The following ARPP21 variants were observed in gnomAD, a reference collection of about 807,000 sequenced individuals.
ARPP21 encodes cAMP regulated phosphoprotein 21.
In ARPP21, 69 loss-of-function variants were observed where a neutral mutation model predicts 113.2. That is an observed-to-expected ratio of 0.61 (90% CI 0.50 to 0.74). ARPP21 has a LOEUF of 0.74. Among genes scored for constraint, ARPP21 ranks in the 30% least tolerant of loss-of-function variants. ARPP21 has a pLI of 0.00. For synonymous variants in ARPP21, 368 were observed against 375.5 expected (o/e 0.98, Z 0.23); for missense variants, 1,070 against 1,037.4 (o/e 1.03, Z -0.43).
intron 1 of ARPP21, chr3:35,679,524 A>G (rs2078340239): frequency 6.6e-6 from 1 of 151,554 alleles, no homozygotes; most frequent in Non-Finnish European, 1.5e-5. Context: ...AAAAAAGGTT[A>G]AAATTGAAGT....
At chr3:35,755,570 T>A (rs925629302) in intron 19 of ARPP21, among the ~76,000 whole-genome samples, 1 of 152,060 alleles carries the variant, frequency 6.6e-6, no homozygotes, top group African/African-American at 2.4e-5. Flanking sequence ...AGAGACAGTC[T>A]CAATCTAACA....
At chr3:35,769,956 T>C (rs1393202517) in intron 19 of ARPP21, among the ~76,000 whole-genome samples, 1 of 152,182 alleles carries the variant, frequency 6.6e-6, no homozygotes, top group Non-Finnish European at 1.5e-5. Context: ...TGTGGGAGTG[T>C]GGGAGTATGT....
intron 9 of ARPP21, among the ~76,000 whole-genome samples, chr3:35,695,206 G>A (rs1337627756): frequency 1.3e-5 from 2 of 151,386 alleles, no homozygotes; most frequent in Non-Finnish European, 1.5e-5. Context: ...AGACAAGATG[G>A]AAAGATAGTT....
intron 19 of ARPP21, among the ~76,000 whole-genome samples, chr3:35,774,249 A>G (rs1222277054): frequency 2.6e-5 from 4 of 152,170 alleles, no homozygotes; most frequent in Non-Finnish European, 4.4e-5. Context: ...AGGCCCTTAT[A>G]AGAAAATTTC....
At chr3:35,734,479 C>G (rs2094207950) in intron 15 of ARPP21, among the ~76,000 whole-genome samples, 1 of 152,108 alleles carries the variant, frequency 6.6e-6, no homozygotes, top group East Asian at 1.9e-4. Flanking sequence ...AGAGCAAGAC[C>G]AAACAGTTGA....
chr3:35,783,990 A>G (rs1386491131), intron 19 of ARPP21, among the ~76,000 whole-genome samples: 5 of 152,076 alleles, frequency 3.3e-5, no homozygotes, highest in Non-Finnish European at 7.4e-5. Flanking sequence ...GAAGCTTTCC[A>G]CTGCATGCTT....
intron 1 of ARPP21, among the ~76,000 whole-genome samples, chr3:35,659,218 C>G (rs1706486366): frequency 6.6e-6 from 1 of 152,134 alleles, no homozygotes; most frequent in African/African-American, 2.4e-5. Context: ...CATTACGTCC[C>G]AGCACACATA....
In ARPP21 at chr3:35,691,010, G is replaced by A; in HGVS notation, c.686+5G>A. 1.2e-6 allele frequency: 2 copies of A among 1,604,372 alleles called. No homozygotes were observed. The highest frequency in any genetic ancestry group is 1.7e-6 in the Non-Finnish European group (2 of 1,175,770). On this transcript the variant is annotated splice_donor_5th_base_variant and intron_variant, in intron 9 of 20. Coordinates refer to ENST00000684406, the MANE Select transcript of ARPP21 (RefSeq NM_001385562.1). ...CAAGACCAGCAGCACCAGAATGTAA[G>A]CCCCATCACTGTACTTATTTAGCAT...
At chr3:35,786,710 G>A (rs1002705521) in intron 19 of ARPP21, among the ~76,000 whole-genome samples, 1 of 152,014 alleles carries the variant, frequency 6.6e-6, no homozygotes, top group African/African-American at 2.4e-5. Context: ...TTGAATTAGA[G>A]TAAGATAGAG....
chr3:35,707,123 T>A, intron 10 of ARPP21, 41 bp downstream of exon 10: 1 of 1,491,914 alleles, frequency 6.7e-7, no homozygotes, highest in Non-Finnish European at 9.3e-7. Context: ...TTGTTGTTTT[T>A]GAAGGTGGGC....
intron 19 of ARPP21, among the ~76,000 whole-genome samples, chr3:35,748,617 T>C (rs1576594100): frequency 6.6e-6 from 1 of 152,232 alleles, no homozygotes; most frequent in South Asian, 2.1e-4. Context: ...TGAGAATATC[T>C]TAACTGGAAA....
At chr3:35,772,713 A>G (rs2096244262) in intron 19 of ARPP21, among the ~76,000 whole-genome samples, 1 of 152,074 alleles carries the variant, frequency 6.6e-6, no homozygotes, top group Admixed American at 6.5e-5. Flanking sequence ...CTCTCTTTTT[A>G]TTCCACTTTA....
chr3:35,667,841 A>G (rs9876705), intron 1 of ARPP21, among the ~76,000 whole-genome samples: 21,778 of 81,074 alleles, frequency 0.27, 2,980 homozygotes, highest in East Asian at 0.41. Context: ...TTTTATTCTC[A>G]AAGAAGAAGA....
At chr3:35,793,097 ATAAT>A (rs916092740) in intron 20 of ARPP21, among the ~76,000 whole-genome samples, 6 of 152,198 alleles carry the variant, frequency 3.9e-5, no homozygotes, top group African/African-American at 1.4e-4. Context: ...AAATGGTATA[ATAAT>A]TAAATTTAAC....
rs9852285 is a variant in ARPP21, at chr3:35,652,271, A to G, written c.-213+11873A>G. ...CTTCCAGGAGCAATTTGGGACTGTT[A>G]TCTAAGAACTAAGAATGATTTCAAA... On this transcript the variant is annotated intron_variant, in intron 1 of 20. Transcript: ENST00000684406. Among the ~76,000 whole-genome samples, 857 of 152,192 alleles carry G rather than the reference A, an allele frequency of 5.6e-3. 6 individuals carry two copies. Among genetic ancestry groups the G allele is most frequent in the African/African-American group, 0.02 (818 of 41,554 alleles).
At chr3:35,701,067 C>T (rs2149842875) in intron 9 of ARPP21, among the ~76,000 whole-genome samples, 1 of 151,684 alleles carries the variant, frequency 6.6e-6, no homozygotes, top group East Asian at 2.0e-4. Context: ...AAATCTTAAT[C>T]ATGATTGAGA....
chr3:35,765,974 T>C (rs922837980), intron 19 of ARPP21, among the ~76,000 whole-genome samples: 1 of 152,242 alleles, frequency 6.6e-6, no homozygotes, highest in Admixed American at 6.5e-5. Context: ...GTTTGACACA[T>C]AGAGAGCAAT....
At chr3:35,707,431 A>C (rs1244724259) in intron 10 of ARPP21, 1 of 490,246 alleles carries the variant, frequency 2.0e-6, no homozygotes, top group East Asian at 5.9e-5. Context: ...TAACTATGGC[A>C]GTCGTTCCAC....
chr3:35,792,883 C>T (rs1396626280), intron 20 of ARPP21, among the ~76,000 whole-genome samples: 1 of 152,102 alleles, frequency 6.6e-6, no homozygotes, highest in Non-Finnish European at 1.5e-5. Context: ...CATTTTTGTA[C>T]ACACCCAAAT....
Sources: gnomAD v4.1 joint callset for allele counts (sites outside exome capture counted in the v4.1 genomes callset) on GRCh38, gnomAD v4.1.1 for gene constraint, MANE v1.5 for transcripts, NCBI Gene and HGNC (gene_info 2026-07-23, HGNC 2026-07-21) for gene names.